Variants in PRR16 observed in about 807,000 individuals in gnomAD.
PRR16 encodes the protein proline rich 16.
Under a neutral mutation model 18.2 loss-of-function variants are expected in PRR16, and 6 were observed. The ratio of observed to expected loss-of-function variants is 0.33; its 90% CI spans 0.18 to 0.65. The LOEUF is 0.65. Among genes scored for constraint, PRR16 ranks in the 30% least tolerant of loss-of-function variants. PRR16 has a pLI of 0.74. For missense variants in PRR16, 412 were observed against 376.6 expected, an observed-to-expected ratio of 1.09 and a Z score of -0.78; for synonymous variants, 151 against 147.8, an observed-to-expected ratio of 1.02 and a Z score of -0.16.
At chr5:120,521,785 T>C (rs548639677) in intron 1 of PRR16, among the ~76,000 whole-genome samples, 7 of 152,184 alleles carry the variant, frequency 4.6e-5, no homozygotes, top group Non-Finnish European at 8.8e-5. Context: ...ACTCGTCATT[T>C]ACATTAGGTA....
the PRR16 span, among the ~76,000 whole-genome samples, chr5:120,782,777 G>C: frequency 6.6e-6 from 1 of 152,124 alleles, no homozygotes; most frequent in South Asian, 2.1e-4. Context: ...TGCAAATTTT[G>C]TGGCTGGTCC....
At chr5:120,713,472 G>C in the PRR16 span, among the ~76,000 whole-genome samples, 1 of 151,996 alleles carries the variant, frequency 6.6e-6, no homozygotes. Context: ...TTGTTTTCTT[G>C]ATCTTTATAG....
intron 1 of PRR16, among the ~76,000 whole-genome samples, chr5:120,530,291 A>T (rs1046383664): frequency 1.5e-5 from 2 of 137,680 alleles, no homozygotes; most frequent in African/African-American, 5.5e-5. Flanking sequence ...ATATTTATTT[A>T]TTTATTTATT....
At chr5:120,774,383 C>G in the PRR16 span, among the ~76,000 whole-genome samples, 1 of 152,014 alleles carries the variant, frequency 6.6e-6, no homozygotes, top group Non-Finnish European at 1.5e-5. Flanking sequence ...GAATTTTTTT[C>G]TTCAGAAAAA....
chr5:120,578,343 G>T (rs1395542427), intron 1 of PRR16, among the ~76,000 whole-genome samples: 1 of 151,932 alleles, frequency 6.6e-6, no homozygotes, highest in African/African-American at 2.4e-5. Context: ...TAGGTATATG[G>T]GTGCCATGGT....
intron 1 of PRR16, among the ~76,000 whole-genome samples, chr5:120,620,208 T>A (rs547694678): frequency 6.6e-6 from 1 of 152,140 alleles, no homozygotes; most frequent in African/African-American, 2.4e-5. Context: ...AATAACATAG[T>A]GCATAAAATT....
At chr5:120,517,582 C>T (rs1346175113) in intron 1 of PRR16, among the ~76,000 whole-genome samples, 2 of 152,094 alleles carry the variant, frequency 1.3e-5, no homozygotes, top group Non-Finnish European at 1.5e-5. Flanking sequence ...TACAAAATCT[C>T]CAGGGTTTAA....
intron 1 of PRR16, among the ~76,000 whole-genome samples, chr5:120,504,711 G>A (rs1561521109): frequency 6.6e-6 from 1 of 152,168 alleles, no homozygotes; most frequent in Non-Finnish European, 1.5e-5. Flanking sequence ...TCCCAGCCAA[G>A]CAGGTCCCTC....
At chr5:120,473,454 T>C (rs2112800903) in intron 1 of PRR16, among the ~76,000 whole-genome samples, 1 of 152,330 alleles carries the variant, frequency 6.6e-6, no homozygotes, top group East Asian at 1.9e-4. Context: ...CATTATTTAA[T>C]TTCTCTCTGT....
chr5:120,709,391 G>A, the PRR16 span, among the ~76,000 whole-genome samples: 2 of 151,658 alleles, frequency 1.3e-5, no homozygotes, highest in Non-Finnish European at 2.9e-5. Flanking sequence ...ATATTTATGG[G>A]GTACATGTGA....
intron 1 of PRR16, among the ~76,000 whole-genome samples, chr5:120,637,786 A>T (rs1299573374): frequency 2.0e-5 from 3 of 152,162 alleles, no homozygotes; most frequent in Non-Finnish European, 4.4e-5. Flanking sequence ...AGTGAGCTGC[A>T]TTCATGCCAC....
At position 120,471,626 on chromosome 5, in the gene PRR16, C is replaced by G. The variant is rs1362931485; in HGVS notation, c.159+6981C>G. On this transcript the variant is annotated intron_variant, in intron 1 of 1. Transcript: ENST00000407149. Reference sequence around the variant, plus strand: ...TCGATTATAAACCACCTCCTCTCTCCCACATATAAGGGTTATAAGAAATGG... The same window carrying G: ...TCGATTATAAACCACCTCCTCTCTCGCACATATAAGGGTTATAAGAAATGG... Among the ~76,000 whole-genome samples, 3 of 152,152 alleles carry G rather than the reference C, an allele frequency of 2.0e-5. No individual in the cohort carries two copies. In the South Asian group the frequency reaches 6.2e-4, roughly 32 times the overall value.
intron 1 of PRR16, among the ~76,000 whole-genome samples, chr5:120,562,206 G>C (rs1481462840): frequency 2.0e-5 from 3 of 151,864 alleles, no homozygotes; most frequent in African/African-American, 7.2e-5. Flanking sequence ...TCTGTTGCTG[G>C]ATCAATCCCT....
the PRR16 span, among the ~76,000 whole-genome samples, chr5:120,760,098 G>A: frequency 6.6e-6 from 1 of 152,196 alleles, no homozygotes; most frequent in African/African-American, 2.4e-5. Context: ...CAGGGTGTAA[G>A]TTAATTTTGA....
chr5:120,650,975 C>G (rs1187823544), intron 1 of PRR16, among the ~76,000 whole-genome samples: 1 of 152,168 alleles, frequency 6.6e-6, no homozygotes, highest in African/African-American at 2.4e-5. Flanking sequence ...TTCTCCACAT[C>G]CTCTCCAGCA....
intron 1 of PRR16, among the ~76,000 whole-genome samples, chr5:120,528,303 G>A (rs1448859414): frequency 6.6e-6 from 1 of 152,168 alleles, no homozygotes; most frequent in African/African-American, 2.4e-5. Context: ...CAGAGCAATA[G>A]TTGAGGAAAG....
chr5:120,527,769 C>T (rs566829596), intron 1 of PRR16, among the ~76,000 whole-genome samples: 2 of 152,234 alleles, frequency 1.3e-5, no homozygotes, highest in South Asian at 4.1e-4. Flanking sequence ...TTTGAGTGTT[C>T]CCAGATATAG....
chr5:120,662,832 G>A (rs77731203), intron 1 of PRR16, among the ~76,000 whole-genome samples: 2,280 of 152,168 alleles, frequency 0.015, 57 homozygotes, highest in African/African-American at 0.051. Flanking sequence ...TAGCTTGAAG[G>A]CCTGGGGACC....
chr5:120,693,023 C>T, the PRR16 span, among the ~76,000 whole-genome samples: 3 of 151,990 alleles, frequency 2.0e-5, no homozygotes, highest in South Asian at 2.1e-4. Context: ...TTACATAAAC[C>T]TAAATTGAAG....
Sources: allele counts gnomAD v4.1 joint callset (sites outside exome capture counted in the v4.1 genomes callset), GRCh38; gene constraint gnomAD v4.1.1; transcripts MANE v1.5; gene names NCBI Gene and HGNC (gene_info 2026-07-23, HGNC 2026-07-21).